BTRC: variants seen among roughly 807,000 people sequenced by gnomAD.
BTRC encodes the protein F-box/WD repeat-containing protein 1A.
In BTRC, 42 loss-of-function variants were observed where a neutral mutation model predicts 85.5. The observed-to-expected ratio is 0.49, with a 90% confidence interval of 0.38 to 0.64. The LOEUF (loss-of-function observed/expected upper bound fraction) is 0.64, where lower values mean the gene tolerates loss of function less well. Among genes scored for constraint, BTRC ranks in the 30% least tolerant of loss-of-function variants. BTRC has a pLI of 0.00. For missense variants in BTRC, 594 were observed against 743.5 expected, an observed-to-expected ratio of 0.80 and a Z score of 2.34; for synonymous variants, 255 against 263.3, an observed-to-expected ratio of 0.97 and a Z score of 0.30.
At chr10:101,542,717 G>A (rs1389635089) in intron 13 of BTRC, among the ~76,000 whole-genome samples, 8 of 152,172 alleles carry the variant, frequency 5.3e-5, no homozygotes, top group African/African-American at 9.6e-5. Flanking sequence ...GACCACAGGC[G>A]TGCGCCACCA....
At chr10:101,399,321 CTTTTTTTTTTTTT>C (rs10610835) in intron 1 of BTRC, among the ~76,000 whole-genome samples, 1 of 128,060 alleles carries the variant, frequency 7.8e-6, no homozygotes, top group African/African-American at 3.0e-5. Flanking sequence ...CTAGAATCAC[CTTTTTTTTTTTTT>C]TTTTTTTTTT....
intron 6 of BTRC, among the ~76,000 whole-genome samples, chr10:101,529,855 C>T (rs1589602793): frequency 1.3e-5 from 2 of 152,100 alleles, no homozygotes; most frequent in Middle Eastern, 6.8e-3. Flanking sequence ...GATGACTGGC[C>T]CAGAGAAAAC....
At chr10:101,410,742 G>A (rs1943753519) in intron 1 of BTRC, among the ~76,000 whole-genome samples, 2 of 151,956 alleles carry the variant, frequency 1.3e-5, no homozygotes, top group African/African-American at 4.8e-5. Flanking sequence ...ATTCTGGATA[G>A]TCAACTGTTC....
chr10:101,420,137 A>G (rs1944060363), intron 1 of BTRC, among the ~76,000 whole-genome samples: 1 of 151,986 alleles, frequency 6.6e-6, no homozygotes, highest in Non-Finnish European at 1.5e-5. Flanking sequence ...TTCAGCTTAC[A>G]ACAACATCCT....
At chr10:101,528,776 A>G (rs2062237764) in intron 6 of BTRC, among the ~76,000 whole-genome samples, 1 of 152,212 alleles carries the variant, frequency 6.6e-6, no homozygotes, top group Non-Finnish European at 1.5e-5. Flanking sequence ...ACGTCAATAA[A>G]GTCTTTCTGT....
At position 101,475,161 on chromosome 10, in the gene BTRC, AT is replaced by A. The variant is rs1484737022; in HGVS notation, c.235-4201del. 3.9e-5 allele frequency among the ~76,000 whole-genome samples: 6 copies of A among 152,326 alleles called. No homozygotes were observed. In the East Asian group the frequency reaches 5.8e-4, roughly 15 times the overall value. On this transcript the variant is annotated intron_variant, in intron 3 of 14. Transcript: ENST00000370187. ...TCTGTACACTAATTTCTAATGCTCT[AT>A]TTTTTCATATATATTTTGAAATAAT...
chr10:101,361,451 G>A (rs934288025), intron 1 of BTRC, among the ~76,000 whole-genome samples: 2 of 152,196 alleles, frequency 1.3e-5, no homozygotes, highest in Non-Finnish European at 2.9e-5. Context: ...AATGTGTATA[G>A]TGAGAATCCA....
At chr10:101,543,655 G>A (rs1292275210) in intron 13 of BTRC, among the ~76,000 whole-genome samples, 2 of 147,190 alleles carry the variant, frequency 1.4e-5, no homozygotes, top group African/African-American at 5.1e-5. Context: ...CTCCTATTAT[G>A]GGTTCTTAGT....
At position 101,553,520 on chromosome 10, in the gene BTRC, A is replaced by T. The variant is rs965277630; in HGVS notation, c.*397A>T. 9.8e-5 allele frequency: 15 copies of T among 152,752 alleles called. No homozygotes were observed. Among genetic ancestry groups the T allele is most frequent in the African/African-American group, 3.6e-4 (15 of 41,560 alleles). 9.5% of individuals were successfully genotyped at this position (152,752 alleles called of 1,614,324 possible). A position where few individuals can be genotyped will look rare whatever the true frequency, so the allele number is the denominator to read the frequency against. ...TGCTTTGCCATTAAGCAGAAGAACT[A>T]GTTTCCCTGTATAGCCTGCTGGGAG... On this transcript the variant is annotated 3_prime_UTR_variant, in exon 15 of 15. Coordinates refer to ENST00000370187, the MANE Select transcript of BTRC (RefSeq NM_033637.4).
At chr10:101,362,314 A>G (rs192870130) in intron 1 of BTRC, among the ~76,000 whole-genome samples, 3 of 151,814 alleles carry the variant, frequency 2.0e-5, no homozygotes, top group African/African-American at 7.3e-5. Flanking sequence ...CTTTCCTTTC[A>G]GGGTATCTGA....
At chr10:101,450,030 G>A (rs1944920480) in intron 2 of BTRC, among the ~76,000 whole-genome samples, 1 of 151,406 alleles carries the variant, frequency 6.6e-6, no homozygotes, top group Non-Finnish European at 1.5e-5. Flanking sequence ...GGGTAAGGTA[G>A]GAAGTGTTTT....
At chr10:101,501,383 T>C (rs2134292029) in intron 4 of BTRC, among the ~76,000 whole-genome samples, 1 of 152,330 alleles carries the variant, frequency 6.6e-6, no homozygotes, top group South Asian at 2.1e-4. Flanking sequence ...ATGTTACACA[T>C]GAACTCCCAT....
chr10:101,408,866 G>A (rs1157756224), intron 1 of BTRC, among the ~76,000 whole-genome samples: 2 of 151,972 alleles, frequency 1.3e-5, no homozygotes, highest in Non-Finnish European at 2.9e-5. Context: ...AGCCAACACG[G>A]TGAAACCCTG....
chr10:101,536,670 A>G lies in BTRC; in HGVS notation c.1577+17A>G, dbSNP rs768806258. 12 of 1,556,332 alleles carry G rather than the reference A, an allele frequency of 7.7e-6. No homozygotes were observed. Among genetic ancestry groups the G allele is most frequent in the Non-Finnish European group, 1.1e-5 (12 of 1,129,594 alleles). ...CTATGATGGGTGAGTGTGCTAACAG[A>G]GTGTAAAAAAGAGAAAATCTACGTC... On this transcript the variant is annotated intron_variant, in intron 12 of 14. Transcript: ENST00000370187.
intron 4 of BTRC, among the ~76,000 whole-genome samples, chr10:101,510,266 T>C (rs571392717): frequency 6.6e-6 from 1 of 152,298 alleles, no homozygotes; most frequent in East Asian, 1.9e-4. Flanking sequence ...CCCAGCACTT[T>C]AGGAGGCAGA....
chr10:101,434,638 A>C lies in BTRC; in HGVS notation c.156+4186A>C, dbSNP rs147893057. 5.0e-3 allele frequency among the ~76,000 whole-genome samples: 756 copies of C among 152,192 alleles called. 8 individuals carry two copies. Among genetic ancestry groups the C allele is most frequent in the African/African-American group, 0.017 (712 of 41,534 alleles). On this transcript the variant is annotated intron_variant, in intron 2 of 14. Transcript: ENST00000370187. ...GCTTTTCAAAAGACACTTTAAAAAA[A>C]TGAGCAGGAACCAGGTACAGCAGTG...
chr10:101,517,781 C>G (rs907446844), intron 4 of BTRC, among the ~76,000 whole-genome samples: 1 of 152,150 alleles, frequency 6.6e-6, no homozygotes, highest in Admixed American at 6.5e-5. Flanking sequence ...CATATCCAGT[C>G]GATCAGCAAA....
intron 1 of BTRC, among the ~76,000 whole-genome samples, chr10:101,423,005 G>A (rs943519664): frequency 6.6e-6 from 1 of 152,080 alleles, no homozygotes. Flanking sequence ...ATTCTGTGAA[G>A]AAAGTCATTG....
At chr10:101,542,762 A>G (rs537520961) in intron 13 of BTRC, among the ~76,000 whole-genome samples, 72 of 151,856 alleles carry the variant, frequency 4.7e-4, no homozygotes, top group Admixed American at 9.2e-4. Context: ...TTTTTTAGAG[A>G]TGGGGTTTTG....
Sources: gnomAD v4.1 joint callset for allele counts (sites outside exome capture counted in the v4.1 genomes callset) on GRCh38, gnomAD v4.1.1 for gene constraint, MANE v1.5 for transcripts, NCBI Gene and HGNC (gene_info 2026-07-23, HGNC 2026-07-21) for gene names.